The following MAN2B2 variants were observed in gnomAD, a reference collection of about 807,000 sequenced individuals.
MAN2B2 encodes mannosidase alpha class 2B member 2.
Under a neutral mutation model 117.1 loss-of-function variants are expected in MAN2B2, and 106 were observed. The observed-to-expected ratio is 0.90, with a 90% confidence interval of 0.77 to 1.06. The LOEUF is 1.06. MAN2B2 is among the 50% of genes least tolerant of loss of function. The pLI, the probability that MAN2B2 is intolerant of heterozygous loss-of-function variation, is 0.00. For synonymous variants in MAN2B2, 544 were observed against 595.1 expected, an observed-to-expected ratio of 0.91 and a Z score of 1.25; for missense variants, 1,326 against 1,381.4, an observed-to-expected ratio of 0.96 and a Z score of 0.64.
At chr4:6,576,447 TG>T in intron 1 of MAN2B2, 130 bp from the exon 2 acceptor site, 14 of 1,057,732 alleles carry the variant, frequency 1.3e-5, no homozygotes, top group Admixed American at 1.0e-4. Context: ...AATAGCTGTG[TG>T]GGGGGTGAGC....
intron 10 of MAN2B2, among the ~76,000 whole-genome samples, chr4:6,601,533 G>C (rs578262434): frequency 6.9e-4 from 103 of 149,714 alleles, no homozygotes; most frequent in African/African-American, 2.5e-3. Flanking sequence ...GTACAACTCA[G>C]GGACAGCTGC....
chr4:6,605,912 CA>C (rs2108751279), intron 11 of MAN2B2, among the ~76,000 whole-genome samples: 1 of 43,444 alleles, frequency 2.3e-5, no homozygotes, highest in East Asian at 1.3e-3. Context: ...CCCAACCACC[CA>C]TTCATTCATT....
intron 9 of MAN2B2, 76 bp downstream of exon 9, chr4:6,598,430 C>A: frequency 6.8e-7 from 1 of 1,470,706 alleles, no homozygotes; most frequent in African/African-American, 1.4e-5. Flanking sequence ...AGGGGCTCAA[C>A]GACCCCAGCT....
Position 6,610,742 on chromosome 4 carries a change from T to C in MAN2B2, c.2260-138T>C, listed in dbSNP as rs548543755. ...AGCTGGTGTCTGAACCCCAGTCTGTTGGTCTCCAAAGTCAGGGTCCCAGCC... is the reference window on the plus strand; with the variant it reads ...AGCTGGTGTCTGAACCCCAGTCTGTCGGTCTCCAAAGTCAGGGTCCCAGCC... On this transcript the variant is annotated intron_variant, in intron 13 of 18. Coordinates refer to ENST00000285599, the MANE Select transcript of MAN2B2 (RefSeq NM_015274.3). 28 of 705,144 alleles carry C rather than the reference T, an allele frequency of 4.0e-5. No individual in the cohort carries two copies. In the East Asian group the frequency reaches 7.2e-4, roughly 18 times the overall value. 43.7% of individuals were successfully genotyped at this position (705,144 alleles called of 1,614,324 possible).
In MAN2B2 at chr4:6,619,962, G is replaced by A. The variant is rs747515800; in HGVS notation, c.2850G>A (p.Val950=). ...VLQALGSVVA[V]EERSLTGTWD... ...AGGCGCTGGGGTCCGTGGTGGCAGT[G>A]GAGGAGCGCTCGCTCACAGGGACCT... is the stretch of plus-strand genomic sequence containing the variant. The change falls in exon 18 of 19, where the codon GTG becomes GTA. Residue 950 remains valine (V), a synonymous_variant. Coordinates refer to ENST00000285599, the MANE Select transcript of MAN2B2 (RefSeq NM_015274.3). The A allele has an allele frequency of 9.3e-6, 15 of 1,613,954 alleles. No homozygotes were observed. The South Asian group carries it at 1.5e-4, about 17-fold the overall frequency.
At position 6,617,499 on chromosome 4, in the gene MAN2B2, T is replaced by C; in HGVS notation, c.2814+7T>C. Reference sequence around the variant, plus strand: ...AGTGACAGTGAATCTGGAGGTGAACTTCCCCACCCCCATCCAGACCATAAG... The same window carrying C: ...AGTGACAGTGAATCTGGAGGTGAACCTCCCCACCCCCATCCAGACCATAAG... On this transcript the variant is annotated splice_region_variant and intron_variant, in intron 17 of 18. Coordinates refer to ENST00000285599, the MANE Select transcript of MAN2B2 (RefSeq NM_015274.3). 2 of 1,613,852 alleles carry C rather than the reference T, an allele frequency of 1.2e-6. No homozygotes were observed. The highest frequency in any genetic ancestry group is 1.7e-6 in the Non-Finnish European group (2 of 1,179,838).
intron 7 of MAN2B2, among the ~76,000 whole-genome samples, chr4:6,596,785 C>G (rs528638111): frequency 1.3e-5 from 2 of 152,320 alleles, no homozygotes; most frequent in East Asian, 3.9e-4. Context: ...TTTGCTCACA[C>G]AGCTGTTCTG....
At chr4:6,584,384 A>G (rs757936199) in intron 3 of MAN2B2, among the ~76,000 whole-genome samples, 7 of 152,228 alleles carry the variant, frequency 4.6e-5, no homozygotes, top group Non-Finnish European at 8.8e-5. Flanking sequence ...CAAGGCAGTA[A>G]AAGGAAGAGA....
At chr4:6,588,115 T>G (rs1052985450) in intron 4 of MAN2B2, among the ~76,000 whole-genome samples, 3 of 152,164 alleles carry the variant, frequency 2.0e-5, no homozygotes, top group African/African-American at 7.2e-5. Flanking sequence ...TGTCATCATT[T>G]GCTAGGGCTG....
chr4:6,609,535 G>A, intron 12 of MAN2B2: 1 of 625,072 alleles, frequency 1.6e-6, no homozygotes, highest in South Asian at 2.0e-5. Flanking sequence ...ACAGACCCTG[G>A]GGCCCACAGA....
At position 6,597,068 on chromosome 4, in the gene MAN2B2, C is replaced by T. The variant is rs200256154; in HGVS notation, c.1058-45C>T. 2.9e-4 allele frequency: 449 copies of T among 1,573,922 alleles called. 2 individuals are homozygous for T. The African/African-American group carries it at 5.7e-3, about 20-fold the overall frequency. ...TCCAGGGCTGGAGCTTAGCAGACTTCTGGGTCATGCCGTCTCAAGCTCACC... is the reference window on the plus strand; with the variant it reads ...TCCAGGGCTGGAGCTTAGCAGACTTTTGGGTCATGCCGTCTCAAGCTCACC... On this transcript the variant is annotated intron_variant, in intron 7 of 18. Transcript: ENST00000285599.
At chr4:6,576,339 C>T (rs560000671) in intron 1 of MAN2B2, among the ~76,000 whole-genome samples, 1 of 152,318 alleles carries the variant, frequency 6.6e-6, no homozygotes, top group East Asian at 1.9e-4. Flanking sequence ...GGGAGGGCAC[C>T]TGTCTCTGCC....
Position 6,611,160 on chromosome 4 carries a change from A to G in MAN2B2, c.2445A>G (p.Ser815=), listed in dbSNP as rs1004383999. 1.9e-6 allele frequency: 3 copies of G among 1,613,844 alleles called. No homozygotes were observed. The African/African-American group carries it at 4.0e-5, about 22-fold the overall frequency. ...LGYNLTLNDT[S]VVHPVLWLLL... Reference sequence around the variant, plus strand: ...ACAACCTCACGCTGAACGACACCTCAGTCGTCCACCCAGTGCTCTGGCTTC... The same window carrying G: ...ACAACCTCACGCTGAACGACACCTCGGTCGTCCACCCAGTGCTCTGGCTTC... The change falls in exon 15 of 19, where the codon TCA becomes TCG. Residue 815 remains serine, a synonymous_variant. Coordinates refer to ENST00000285599, the MANE Select transcript of MAN2B2 (RefSeq NM_015274.3).
At chr4:6,587,943 G>C (rs891734540) in intron 4 of MAN2B2, among the ~76,000 whole-genome samples, 1 of 151,874 alleles carries the variant, frequency 6.6e-6, no homozygotes, top group Non-Finnish European at 1.5e-5. Context: ...GTTTTTTGTA[G>C]AGACGGGGTT....
intron 9 of MAN2B2, 73 bp from the exon 10 acceptor site, chr4:6,600,549 AG>A: frequency 6.5e-7 from 1 of 1,546,774 alleles, no homozygotes; most frequent in Non-Finnish European, 8.9e-7. Flanking sequence ...CCTCATACTG[AG>A]GTGCAGCCAG....
rs745728869 is a variant in MAN2B2 at position 6,576,572 on chromosome 4, C to T, written c.139-6C>T. On this transcript the variant is annotated splice_region_variant and splice_polypyrimidine_tract_variant and intron_variant, in intron 1 of 18. Transcript: ENST00000285599. ...CGGGGCTGGCATGATGCTGTCCCCTCCCCAGGAAAGCATGCGGGCGTACGC... is the reference window on the plus strand; with the variant it reads ...CGGGGCTGGCATGATGCTGTCCCCTTCCCAGGAAAGCATGCGGGCGTACGC... 6.2e-7 allele frequency: 1 copy of T among 1,611,390 alleles called. No homozygotes were observed. Among genetic ancestry groups the T allele is most frequent in the East Asian group, 2.2e-5 (1 of 44,808 alleles).
chr4:6,587,931 G>A (rs1726706271), intron 4 of MAN2B2, among the ~76,000 whole-genome samples: 1 of 151,794 alleles, frequency 6.6e-6, no homozygotes, highest in Admixed American at 6.6e-5. Flanking sequence ...AATTTTTTGT[G>A]TGTTTTTTGT....
Position 6,597,141 on chromosome 4 carries a change from C to T in MAN2B2, c.1086C>T (p.Tyr362=). Residue 362 remains tyrosine (Y), a synonymous_variant, in exon 8 of 19, where the codon TAC becomes TAT. Transcript: ENST00000285599. Reference sequence around the variant, plus strand: ...CATTCCAGGCCTGGACGGGCTTCTACACGTCCCGCAGCTCACTGAAGGGGC... The same window carrying T: ...CATTCCAGGCCTGGACGGGCTTCTATACGTCCCGCAGCTCACTGAAGGGGC... ...TEPFQAWTGF[Y]TSRSSLKGLA... 2 of 1,613,422 alleles carry T rather than the reference C, an allele frequency of 1.2e-6. No individual in the cohort carries two copies. Among genetic ancestry groups the T allele is most frequent in the Non-Finnish European group, 8.5e-7 (1 of 1,179,888 alleles).
chr4:6,585,302 TCAGTGAAAGG>T (rs1726589054), intron 3 of MAN2B2, among the ~76,000 whole-genome samples: 1 of 152,182 alleles, frequency 6.6e-6, no homozygotes, highest in Non-Finnish European at 1.5e-5. Flanking sequence ...TGCAAGTTCA[TCAGTGAAAGG>T]CAGTTTGACT....
Sources: allele counts gnomAD v4.1 joint callset (sites outside exome capture counted in the v4.1 genomes callset), GRCh38; gene constraint gnomAD v4.1.1; transcripts MANE v1.5; gene names NCBI Gene and HGNC (gene_info 2026-07-23, HGNC 2026-07-21).